The following ST3GAL1 variants were observed in gnomAD, a reference collection of about 807,000 sequenced individuals.
ST3GAL1 encodes the protein ST3 beta-galactoside alpha-2,3-sialyltransferase 1, also known as CMP-N-acetylneuraminate-beta-galactosamide-alpha-2,3-sialyltransferase 1.
In ST3GAL1, 16 loss-of-function variants were observed where a neutral mutation model predicts 34.1. That is an observed-to-expected ratio of 0.47 (90% CI 0.32 to 0.71). The LOEUF (loss-of-function observed/expected upper bound fraction) is 0.71, where lower values mean the gene tolerates loss of function less well. Among genes scored for constraint, ST3GAL1 ranks in the 30% least tolerant of loss-of-function variants. The pLI, the probability that ST3GAL1 is intolerant of heterozygous loss-of-function variation, is 0.04. For missense variants in ST3GAL1, 353 were observed against 447.4 expected (o/e 0.79, Z 1.90); for synonymous variants, 191 against 184.7 (o/e 1.03, Z -0.28).
intron 5 of ST3GAL1, among the ~76,000 whole-genome samples, chr8:133,472,141 C>G (rs915226456): frequency 6.6e-6 from 1 of 151,572 alleles, no homozygotes; most frequent in South Asian, 2.1e-4. Flanking sequence ...TTGCAGGGCA[C>G]GGGGCTGATT....
At position 133,469,219 on chromosome 8, in the gene ST3GAL1, ATTGAT is replaced by A. The variant is rs888305002; in HGVS notation, c.307-3134_307-3130del. On this transcript the variant is annotated intron_variant, in intron 5 of 9. Coordinates refer to ENST00000522652, the MANE Select transcript of ST3GAL1 (RefSeq NM_173344.3). This position sits in a 1 kb window ranked among gnomAD's most constrained non-coding sequence, Gnocchi z 4.3. ...GAAAAATAAATTGATTGATTGATTG[ATTGAT>A]TTGATTTGATTTGATATGGAGTCTC... Among the ~76,000 whole-genome samples the A allele has an allele frequency of 2.0e-5, 3 of 151,878 alleles. No homozygotes were observed. The highest frequency in any genetic ancestry group is 1.9e-4 in the East Asian group (1 of 5,172).
chr8:133,552,967 A>C (rs966736981), intron 1 of ST3GAL1, among the ~76,000 whole-genome samples: 2 of 152,208 alleles, frequency 1.3e-5, no homozygotes, highest in Non-Finnish European at 2.9e-5. Flanking sequence ...ATTCTGAAAG[A>C]GTATAATTTG....
intron 2 of ST3GAL1, among the ~76,000 whole-genome samples, chr8:133,534,887 C>T (rs1321157073): frequency 2.0e-5 from 3 of 152,240 alleles, no homozygotes; most frequent in Non-Finnish European, 4.4e-5. Context: ...CCACAGGGTG[C>T]TCTGTGAGTC....
At chr8:133,515,958 G>A (rs1316931392) in intron 2 of ST3GAL1, among the ~76,000 whole-genome samples, 1 of 152,096 alleles carries the variant, frequency 6.6e-6, no homozygotes, top group African/African-American at 2.4e-5. Flanking sequence ...AGGTTTAAGT[G>A]ATTCTCTTGC....
chr8:133,539,449 C>CT (rs1256502269), intron 2 of ST3GAL1, among the ~76,000 whole-genome samples: 2 of 152,214 alleles, frequency 1.3e-5, no homozygotes, highest in Non-Finnish European at 2.9e-5. Flanking sequence ...CTGCACCCCA[C>CT]TTATCTAGGG....
intron 3 of ST3GAL1, among the ~76,000 whole-genome samples, chr8:133,483,595 G>T (rs1057225431): frequency 6.6e-6 from 1 of 152,182 alleles, no homozygotes; most frequent in African/African-American, 2.4e-5. Context: ...CAAACCAGTG[G>T]TATTACACAA....
chr8:133,463,139 G>A (rs1014294775), intron 8 of ST3GAL1, among the ~76,000 whole-genome samples: 5 of 152,246 alleles, frequency 3.3e-5, no homozygotes, highest in African/African-American at 4.8e-5. Context: ...AGAATGCGGG[G>A]CAGCCAGGGT....
At chr8:133,530,537 C>A (rs1818121888) in intron 2 of ST3GAL1, among the ~76,000 whole-genome samples, 1 of 152,166 alleles carries the variant, frequency 6.6e-6, no homozygotes, top group Non-Finnish European at 1.5e-5. Flanking sequence ...CTCGCCTCGG[C>A]CTCCCAAAGT....
At chr8:133,476,698 T>C (rs1816194276) in intron 3 of ST3GAL1, 98 bp from the exon 4 acceptor site, 1 of 152,292 alleles carries the variant, frequency 6.6e-6, no homozygotes, top group Admixed American at 6.5e-5. Context: ...TTCCGTGGTC[T>C]TCCTTCTGGT....
intron 1 of ST3GAL1, among the ~76,000 whole-genome samples, chr8:133,569,338 T>G (rs1357894404): frequency 6.6e-6 from 1 of 152,230 alleles, no homozygotes; most frequent in Admixed American, 6.5e-5. Flanking sequence ...GGAACTTTTT[T>G]CCCTAGACCT....
chr8:133,455,823 G>A lies in ST3GAL1; in HGVS notation c.*3941C>T, dbSNP rs2458. ...TCTTGGTTTCCTTTCACTTGTTTTC[G>A]GGCTGCTTCAAAGCAAACATCCCAG... On this transcript the variant is annotated 3_prime_UTR_variant, in exon 10 of 10. Coordinates refer to ENST00000522652, the MANE Select transcript of ST3GAL1 (RefSeq NM_173344.3). 0.23 allele frequency: 35,425 copies of A among 151,952 alleles called. 4,525 individuals carry two copies. Among genetic ancestry groups the A allele is most frequent in the East Asian group, 0.55 (2,816 of 5,140 alleles). The allele number at this position is 151,952 out of a possible 1,614,324, so 9.4% of individuals were successfully genotyped here.
At chr8:133,511,607 G>C (rs979282806) in intron 2 of ST3GAL1, among the ~76,000 whole-genome samples, 1 of 152,204 alleles carries the variant, frequency 6.6e-6, no homozygotes, top group Non-Finnish European at 1.5e-5. Context: ...TAGGTCACCA[G>C]GCTCCGGAGT....
At position 133,511,613 on chromosome 8, in the gene ST3GAL1, G is replaced by A. The variant is rs777279105; in HGVS notation, c.-428-12424C>T. On this transcript the variant is annotated intron_variant, in intron 2 of 9. Transcript: ENST00000522652. ...ACCCAAACTTAGGTCACCAGGCTCC[G>A]GAGTGATGCCAACGTGCCACACCAA... is the stretch of plus-strand genomic sequence containing the variant. Among the ~76,000 whole-genome samples the A allele has an allele frequency of 4.6e-5, 7 of 152,180 alleles. No individual in the cohort carries two copies. The South Asian group carries it at 6.2e-4, about 14-fold the overall frequency.
At chr8:133,566,293 A>C (rs1331419172) in intron 1 of ST3GAL1, among the ~76,000 whole-genome samples, 1 of 152,196 alleles carries the variant, frequency 6.6e-6, no homozygotes, top group African/African-American at 2.4e-5. Flanking sequence ...GATCATTCAC[A>C]AACCATTTTA....
chr8:133,525,693 G>C (rs9632828), intron 2 of ST3GAL1, among the ~76,000 whole-genome samples: 4,927 of 152,266 alleles, frequency 0.032, 160 homozygotes, highest in East Asian at 0.14. Context: ...GGTGACCAAA[G>C]TCTGGAGGGG....
intron 2 of ST3GAL1, among the ~76,000 whole-genome samples, chr8:133,531,260 CAT>C (rs1818143371): frequency 1.3e-5 from 2 of 152,138 alleles, no homozygotes; most frequent in South Asian, 2.1e-4. Context: ...AGTACACACA[CAT>C]ATATACTCAC....
rs1475807769 is a variant in ST3GAL1 at position 133,545,890 on chromosome 8, T to G, written c.-545A>C. On this transcript the variant is annotated 5_prime_UTR_variant, in exon 2 of 10. Transcript: ENST00000522652. ...GTGTTAATTTCCTCTCATTGACATT[T>G]CCAGTTTAGGAAGATGAAATCTGAA... is the stretch of plus-strand genomic sequence containing the variant. 1 of 152,182 alleles carries G rather than the reference T, an allele frequency of 6.6e-6. No homozygotes were observed. Among genetic ancestry groups the G allele is most frequent in the African/African-American group, 2.4e-5 (1 of 41,436 alleles). 9.4% of individuals were successfully genotyped at this position (152,182 alleles called of 1,614,324 possible). A position where few individuals can be genotyped will look rare whatever the true frequency, so the allele number is the denominator to read the frequency against.
In ST3GAL1 at chr8:133,571,782, C is replaced by A. The variant is rs1819579704; in HGVS notation, c.-671G>T. 6.5e-6 allele frequency: 1 copy of A among 153,080 alleles called. No homozygotes were observed. Among genetic ancestry groups the A allele is most frequent in the Non-Finnish European group, 1.5e-5 (1 of 68,746 alleles). The allele number at this position is 153,080 out of a possible 1,614,324, so 9.5% of individuals were successfully genotyped here. A position where few individuals can be genotyped will look rare whatever the true frequency, so the allele number is the denominator to read the frequency against. ...GGGTGTGGGTGTCCCGGACACTTGC[C>A]CCCTTCCCAGCTCACATCGCCTCTT... On this transcript the variant is annotated 5_prime_UTR_variant, in exon 1 of 10. Transcript: ENST00000522652. This position sits in a 1 kb window ranked among gnomAD's most constrained non-coding sequence, Gnocchi z 6.7.
rs557405119 is a variant in ST3GAL1 at position 133,556,500 on chromosome 8, C to T, written c.-581-10574G>A. Among the ~76,000 whole-genome samples the T allele has an allele frequency of 6.1e-4, 93 of 152,288 alleles. No individual in the cohort carries two copies. Among genetic ancestry groups the T allele is most frequent in the African/African-American group, 2.0e-3 (82 of 41,558 alleles). On this transcript the variant is annotated intron_variant, in intron 1 of 9. Coordinates refer to ENST00000522652, the MANE Select transcript of ST3GAL1 (RefSeq NM_173344.3). The surrounding 1 kb of genome is among the most constrained non-coding windows in gnomAD (Gnocchi z 8.9). The stretch of plus-strand genomic sequence containing the variant: ...ATATTGTTCTGTCCGCTCAGAGTCA[C>T]GTTCCTTTCTCAGATCTGGGAGGAA...
Sources: gnomAD v4.1 joint callset for allele counts (sites outside exome capture counted in the v4.1 genomes callset) on GRCh38, gnomAD v4.1.1 for gene constraint, Gnocchi (gnomAD v3.1) non-coding constraint, MANE v1.5 for transcripts, NCBI Gene and HGNC (gene_info 2026-07-23, HGNC 2026-07-21) for gene names.